MAGI2: variants seen among roughly 807,000 people sequenced by gnomAD.
The protein encoded by MAGI2 is membrane-associated guanylate kinase, WW and PDZ domain-containing protein 2.
In MAGI2, 35 loss-of-function variants were observed where a neutral mutation model predicts 133.3. That is an observed-to-expected ratio of 0.26 (90% CI 0.20 to 0.35). The LOEUF (loss-of-function observed/expected upper bound fraction) is 0.35. Among genes scored for constraint, MAGI2 ranks in the 10% least tolerant of loss-of-function variants. The pLI, the probability that MAGI2 is intolerant of heterozygous loss-of-function variation, is 1.00. For synonymous variants in MAGI2, 729 were observed against 710.6 expected, an observed-to-expected ratio of 1.03 and a Z score of -0.41; for missense variants, 1,636 against 1,863.4, an observed-to-expected ratio of 0.88 and a Z score of 2.25.
At chr7:78,342,960 T>TA (rs1026055510) in intron 9 of MAGI2, among the ~76,000 whole-genome samples, 1 of 152,072 alleles carries the variant, frequency 6.6e-6, no homozygotes, top group African/African-American at 2.4e-5. Context: ...AAGCATAATT[T>TA]AAAAAAATTA....
intron 2 of MAGI2, among the ~76,000 whole-genome samples, chr7:78,820,563 A>G (rs1486986254): frequency 2.0e-5 from 3 of 151,972 alleles, no homozygotes; most frequent in Admixed American, 1.3e-4. Flanking sequence ...AGTATGCTCT[A>G]TCAGAGCATT....
chr7:78,318,073 G>C (rs914894377), intron 9 of MAGI2, among the ~76,000 whole-genome samples: 10 of 152,162 alleles, frequency 6.6e-5, no homozygotes, highest in Admixed American at 1.3e-4. Flanking sequence ...CTCCTCCAAA[G>C]GATCACAACT....
intron 2 of MAGI2, among the ~76,000 whole-genome samples, chr7:78,905,917 G>A (rs1249122403): frequency 2.0e-5 from 3 of 152,018 alleles, no homozygotes; most frequent in Non-Finnish European, 2.9e-5. Flanking sequence ...ATACCATAAA[G>A]AAAAGTTTGT....
At chr7:78,659,776 T>C (rs1812731230) in intron 2 of MAGI2, among the ~76,000 whole-genome samples, 1 of 152,172 alleles carries the variant, frequency 6.6e-6, no homozygotes, top group Non-Finnish European at 1.5e-5. Flanking sequence ...CAAGATGTTA[T>C]CTTTGTGGAC....
At chr7:78,356,598 T>A (rs1792106447) in intron 7 of MAGI2, among the ~76,000 whole-genome samples, 1 of 152,232 alleles carries the variant, frequency 6.6e-6, no homozygotes, top group Non-Finnish European at 1.5e-5. Flanking sequence ...TACTTATTAT[T>A]TGTCAATTGA....
intron 4 of MAGI2, among the ~76,000 whole-genome samples, chr7:78,520,903 G>C (rs951968730): frequency 4.6e-5 from 7 of 152,186 alleles, no homozygotes; most frequent in African/African-American, 1.4e-4. Flanking sequence ...TAAGGAAAAA[G>C]AAACAAATAT....
chr7:78,888,070 C>G (rs1796413842), intron 2 of MAGI2, among the ~76,000 whole-genome samples: 1 of 152,222 alleles, frequency 6.6e-6, no homozygotes, highest in African/African-American at 2.4e-5. Context: ...AAACGGCATA[C>G]CAGGAGATTA....
chr7:78,218,519 T>G (rs960642729), intron 10 of MAGI2, among the ~76,000 whole-genome samples: 1 of 152,250 alleles, frequency 6.6e-6, no homozygotes, highest in Non-Finnish European at 1.5e-5. Context: ...CTTTTAGTGA[T>G]ACCACAATAT....
intron 1 of MAGI2, among the ~76,000 whole-genome samples, chr7:79,214,405 C>CTATA (rs1563003417): frequency 3.9e-4 from 12 of 30,512 alleles, no homozygotes; most frequent in East Asian, 2.4e-3. Context: ...CTCTCTCTCT[C>CTATA]TCTATATATA....
intron 3 of MAGI2, among the ~76,000 whole-genome samples, chr7:78,587,617 G>A (rs960239405): frequency 6.6e-6 from 1 of 152,144 alleles, no homozygotes; most frequent in African/African-American, 2.4e-5. Context: ...GTGTTTCTGA[G>A]GTGGGACAAC....
At chr7:78,119,297 C>T (rs561370949) in intron 20 of MAGI2, among the ~76,000 whole-genome samples, 12 of 152,088 alleles carry the variant, frequency 7.9e-5, no homozygotes, top group African/African-American at 1.4e-4. Context: ...CAGTGGCTCA[C>T]GCCTGTAAAT....
intron 2 of MAGI2, among the ~76,000 whole-genome samples, chr7:78,685,345 G>GT (rs1027603813): frequency 1.3e-5 from 2 of 151,864 alleles, no homozygotes; most frequent in Non-Finnish European, 1.5e-5. Flanking sequence ...TGTCCCTTAA[G>GT]TTTTTTTTCC....
At chr7:79,196,556 C>CCTAT (rs1329871493) in intron 1 of MAGI2, among the ~76,000 whole-genome samples, 1 of 151,892 alleles carries the variant, frequency 6.6e-6, no homozygotes, top group Non-Finnish European at 1.5e-5. Context: ...CCTACTTCCC[C>CCTAT]CTATCTTCTT....
In MAGI2 at chr7:78,713,703, TCTTA is replaced by T. The variant is rs1819429148; in HGVS notation, c.419-86468_419-86465del. On this transcript the variant is annotated intron_variant, in intron 2 of 21. Coordinates refer to ENST00000354212, the MANE Select transcript of MAGI2 (RefSeq NM_012301.4). ...ATACACAAATAAATACAAAATCTAC[TCTTA>T]CTTGCTTTCCTTCAATAGTATCACA... 2.6e-5 allele frequency among the ~76,000 whole-genome samples: 4 copies of T among 152,262 alleles called. No homozygotes were observed. The South Asian group carries it at 6.2e-4, about 24-fold the overall frequency.
chr7:78,199,473 G>A (rs1175520429), intron 11 of MAGI2, among the ~76,000 whole-genome samples: 1 of 152,176 alleles, frequency 6.6e-6, no homozygotes, highest in Non-Finnish European at 1.5e-5. Flanking sequence ...CATGTGAGAG[G>A]GGTGTTACTA....
intron 1 of MAGI2, among the ~76,000 whole-genome samples, chr7:79,299,339 G>A (rs1283210032): frequency 6.6e-6 from 1 of 151,960 alleles, no homozygotes; most frequent in African/African-American, 2.4e-5. Context: ...GTGACATAGA[G>A]TGTTGTGAAA....
At chr7:79,171,886 T>G (rs7802991) in intron 1 of MAGI2, among the ~76,000 whole-genome samples, 113,803 of 148,320 alleles carry the variant, frequency 0.77, 44,845 homozygotes, top group Non-Finnish European at 0.87. Context: ...AAGGTATTAG[T>G]CTTAGGTCAT....
At chr7:78,053,245 A>AT (rs1167497829) in intron 21 of MAGI2, among the ~76,000 whole-genome samples, 2 of 152,238 alleles carry the variant, frequency 1.3e-5, no homozygotes, top group African/African-American at 2.4e-5. Flanking sequence ...CAAAATTGAG[A>AT]TTTTAAATAC....
intron 1 of MAGI2, among the ~76,000 whole-genome samples, chr7:79,167,608 A>G (rs1825074703): frequency 6.6e-6 from 1 of 152,010 alleles, no homozygotes; most frequent in Non-Finnish European, 1.5e-5. Context: ...TGAAATAAGT[A>G]CCCTCACAAA....
Sources: gnomAD v4.1 joint callset for allele counts (sites outside exome capture counted in the v4.1 genomes callset) on GRCh38, gnomAD v4.1.1 for gene constraint, MANE v1.5 for transcripts, NCBI Gene and HGNC (gene_info 2026-07-23, HGNC 2026-07-21) for gene names.